The following VPS13D variants were observed in gnomAD, a reference collection of about 807,000 sequenced individuals.
VPS13D encodes the protein intermembrane lipid transfer protein VPS13D.
A neutral mutation model predicts 461.9 loss-of-function variants in VPS13D; 187 were observed. The observed-to-expected ratio is 0.40, with a 90% CI of 0.36 to 0.46. VPS13D has a LOEUF of 0.46. Ranked by LOEUF, VPS13D falls within the 20% of genes least tolerant of loss-of-function variation. The pLI is 0.60. For synonymous variants in VPS13D, 1,951 were observed against 1,986.3 expected (o/e 0.98, Z 0.47); for missense variants, 4,711 against 5,364.9 (o/e 0.88, Z 3.81).
chr1:12,421,111 G>A (rs1301930261), intron 65 of VPS13D, among the ~76,000 whole-genome samples: 1 of 152,136 alleles, frequency 6.6e-6, no homozygotes, highest in Non-Finnish European at 1.5e-5. Context: ...TTTTATCTCA[G>A]TTATTTCTCT....
At chr1:12,475,240 A>T (rs1645614989) in intron 67 of VPS13D, among the ~76,000 whole-genome samples, 1 of 152,182 alleles carries the variant, frequency 6.6e-6, no homozygotes, top group African/African-American at 2.4e-5. Flanking sequence ...TCCAGCTCTG[A>T]TGCTACTGTG....
chr1:12,258,659 C>T (rs1297167608), intron 10 of VPS13D, among the ~76,000 whole-genome samples: 1 of 152,190 alleles, frequency 6.6e-6, no homozygotes, highest in Non-Finnish European at 1.5e-5. Flanking sequence ...TAGCTGTCTG[C>T]CTGCTCTCTT....
chr1:12,334,163 T>TA (rs1441247381), intron 38 of VPS13D, among the ~76,000 whole-genome samples: 2 of 152,222 alleles, frequency 1.3e-5, no homozygotes, highest in African/African-American at 4.8e-5. Flanking sequence ...GGAAAGAATG[T>TA]ATTGTGAAAT....
intron 46 of VPS13D, among the ~76,000 whole-genome samples, chr1:12,349,819 CT>C (rs1465744680): frequency 2.6e-5 from 4 of 152,096 alleles, no homozygotes; most frequent in Non-Finnish European, 1.5e-5. Flanking sequence ...ACAAAATTGC[CT>C]AACCATTTAA....
rs80056093 is a variant in VPS13D at position 12,481,338 on chromosome 1, C to T, written c.12663-16162C>T. Among the ~76,000 whole-genome samples, 1,177 of 152,284 alleles carry T rather than the reference C, an allele frequency of 7.7e-3. 65 individuals carry two copies. In the East Asian group the frequency reaches 0.13, roughly 17 times the overall value. On this transcript the variant is annotated intron_variant, in intron 67 of 69. Transcript: ENST00000620676. The stretch of plus-strand genomic sequence containing the variant: ...AGCTGTCACCAGATGGGTCTTTCCC[C>T]TCCGTGCCCAACCCCTTCCCTGACC...
At chr1:12,362,986 A>G in intron 51 of VPS13D, 86 bp from the exon 52 acceptor site, 1 of 1,581,020 alleles carries the variant, frequency 6.3e-7, no homozygotes, top group Non-Finnish European at 8.6e-7. Flanking sequence ...CTCCTGTTAG[A>G]GGGTAAGGCT....
chr1:12,420,844 A>G (rs2100256253), intron 65 of VPS13D, among the ~76,000 whole-genome samples: 1 of 152,346 alleles, frequency 6.6e-6, no homozygotes, highest in East Asian at 1.9e-4. Context: ...GAGATGAAGT[A>G]TATGAAACCC....
intron 25 of VPS13D, among the ~76,000 whole-genome samples, chr1:12,301,295 A>T (rs1642417778): frequency 6.6e-6 from 1 of 152,190 alleles, no homozygotes; most frequent in South Asian, 2.1e-4. Flanking sequence ...GTCCCTAAAG[A>T]CTGCTCCCCA....
chr1:12,276,015 G>A lies in VPS13D; in HGVS notation c.2427G>A (p.Met809Ile). 1 of 1,613,784 alleles carries A rather than the reference G, an allele frequency of 6.2e-7. No homozygotes were observed. Among genetic ancestry groups the A allele is most frequent in the Non-Finnish European group, 8.5e-7 (1 of 1,180,012 alleles). The change falls in exon 19 of 70, where the codon ATG (methionine) becomes ATA (isoleucine). Residue 809 changes from methionine to isoleucine, a missense_variant. Met to Ile is a conservative substitution (Grantham distance 10, BLOSUM62 1). This residue lies in a region of VPS13D where 4,411 missense variants were observed against 4,937.8 expected (regional missense o/e 0.89). Transcript: ENST00000620676. This position sits in a 1 kb window ranked among gnomAD's most constrained non-coding sequence, Gnocchi z 4.5. ...FSEEQLQAHL[M>I]STKMYERYSL... is the part of the protein sequence containing the mutation. Reference sequence around the variant, plus strand: ...AAGAACAGCTTCAAGCACATTTAATGAGCACAAAGATGTATGAGAGGTACT... The same window carrying A: ...AAGAACAGCTTCAAGCACATTTAATAAGCACAAAGATGTATGAGAGGTACT...
At chr1:12,376,125 G>C (rs1215463480) in intron 55 of VPS13D, among the ~76,000 whole-genome samples, 1 of 152,334 alleles carries the variant, frequency 6.6e-6, no homozygotes, top group East Asian at 1.9e-4. Flanking sequence ...TAACCGAGAT[G>C]CTTTTCCTGT....
chr1:12,465,955 C>T (rs1645477046), intron 67 of VPS13D, among the ~76,000 whole-genome samples: 1 of 151,874 alleles, frequency 6.6e-6, no homozygotes, highest in African/African-American at 2.4e-5. Flanking sequence ...GCCAACATGT[C>T]GAAACCCTGT....
intron 26 of VPS13D, 70 bp downstream of exon 26, chr1:12,304,798 G>T (rs1642516933): frequency 6.8e-7 from 1 of 1,466,612 alleles, no homozygotes; most frequent in African/African-American, 1.4e-5. Flanking sequence ...GAAACTGAGG[G>T]GGGTGGGCAT....
intron 46 of VPS13D, 101 bp from the exon 47 acceptor site, chr1:12,353,873 T>A: frequency 8.0e-7 from 1 of 1,245,784 alleles, no homozygotes. Flanking sequence ...ATTTTACTCA[T>A]TGAACCATCT....
At chr1:12,249,619 TAC>T (rs879706623) in intron 6 of VPS13D, 9 of 238,222 alleles carry the variant, frequency 3.8e-5, no homozygotes, top group Non-Finnish European at 6.5e-5. Flanking sequence ...TCGTGTTATG[TAC>T]ACTCCCTGGG....
At chr1:12,499,886 G>A (rs1646013070) in intron 68 of VPS13D, 3 of 985,360 alleles carry the variant, frequency 3.0e-6, no homozygotes, top group Non-Finnish European at 1.2e-6. Context: ...AAAAGCCCAC[G>A]AGCGCCAAAT....
chr1:12,500,141 C>A (rs1339844842), intron 68 of VPS13D: 76 of 985,126 alleles, frequency 7.7e-5, no homozygotes, highest in Non-Finnish European at 9.0e-5. Context: ...GTGACTTCAA[C>A]TTTATTCTCC....
Position 12,260,881 on chromosome 1 carries a change from A to G in VPS13D, c.1213-67A>G, listed in dbSNP as rs1641085374. ...GATGTGCTTGTGCTCCTGTGGGGAA[A>G]CAGCAGCATATCACAGCTTGCTTTT... On this transcript the variant is annotated intron_variant, in intron 11 of 69. Transcript: ENST00000620676. The G allele has an allele frequency of 1.9e-5, 31 of 1,611,232 alleles. No homozygotes were observed. The South Asian group carries it at 3.2e-4, about 17-fold the overall frequency.
chr1:12,449,193 C>T (rs1645230614), intron 65 of VPS13D, among the ~76,000 whole-genome samples: 2 of 151,488 alleles, frequency 1.3e-5, no homozygotes, highest in African/African-American at 4.8e-5. Flanking sequence ...GGATGTCAGT[C>T]CCAACTTTAA....
At chr1:12,294,625 C>T (rs1407627789) in intron 24 of VPS13D, among the ~76,000 whole-genome samples, 1 of 151,706 alleles carries the variant, frequency 6.6e-6, no homozygotes. Flanking sequence ...CCATCCTGGC[C>T]AACATGACGA....
Sources: allele counts gnomAD v4.1 joint callset (sites outside exome capture counted in the v4.1 genomes callset), GRCh38; gene constraint gnomAD v4.1.1; regional missense constraint gnomAD v4.1.1; non-coding constraint Gnocchi (gnomAD v3.1); transcripts MANE v1.5; gene names NCBI Gene and HGNC (gene_info 2026-07-23, HGNC 2026-07-21).